SPON1: variants seen among roughly 807,000 people sequenced by gnomAD.
SPON1 encodes the protein spondin-1.
A neutral mutation model predicts 111.7 loss-of-function variants in SPON1; 52 were observed. The ratio of observed to expected loss-of-function variants is 0.47; its 90% CI spans 0.37 to 0.59. SPON1 has a LOEUF of 0.59. SPON1 is among the 20% of genes least tolerant of loss of function. SPON1 has a pLI of 0.00. For missense variants in SPON1, 957 were observed against 1,068.5 expected (o/e 0.90, Z 1.46); for synonymous variants, 410 against 395.8 (o/e 1.04, Z -0.43).
chr11:14,217,465 C>T (rs1848637340), intron 6 of SPON1, among the ~76,000 whole-genome samples: 2 of 152,138 alleles, frequency 1.3e-5, no homozygotes, highest in South Asian at 2.1e-4. Context: ...AAACAAATGG[C>T]CTTTCCACTG....
chr11:14,239,082 G>C (rs1259388195), intron 6 of SPON1, among the ~76,000 whole-genome samples: 1 of 152,160 alleles, frequency 6.6e-6, no homozygotes, highest in Admixed American at 6.5e-5. Flanking sequence ...CAGGGCCCTA[G>C]TGCCCCCATC....
chr11:14,014,601 G>A (rs1483117202), intron 2 of SPON1, among the ~76,000 whole-genome samples: 1 of 152,174 alleles, frequency 6.6e-6, no homozygotes, highest in Non-Finnish European at 1.5e-5. Flanking sequence ...AACTGAGTGG[G>A]GCGTCACTGT....
intron 5 of SPON1, among the ~76,000 whole-genome samples, chr11:14,086,108 T>C (rs1035738071): frequency 5.8e-4 from 88 of 152,202 alleles, no homozygotes; most frequent in African/African-American, 2.1e-3. Context: ...CAATTTGACC[T>C]CCTTTCTTCC....
At chr11:13,974,786 C>T (rs1848089458) in intron 1 of SPON1, among the ~76,000 whole-genome samples, 1 of 152,138 alleles carries the variant, frequency 6.6e-6, no homozygotes, top group South Asian at 2.1e-4. Flanking sequence ...CCTCATCCCC[C>T]CTCCCCAGGG....
In SPON1 at chr11:14,193,374, A is replaced by T. The variant is rs1591406370; in HGVS notation, c.826-49958A>T. On this transcript the variant is annotated intron_variant, in intron 6 of 15. Coordinates refer to ENST00000576479, the MANE Select transcript of SPON1 (RefSeq NM_006108.4). Reference sequence around the variant, plus strand: ...GCCACCCCAATCTTGAAGGTACCCCATGCCGAACCTCATCACTGACAGCTT... The same window carrying T: ...GCCACCCCAATCTTGAAGGTACCCCTTGCCGAACCTCATCACTGACAGCTT... Among the ~76,000 whole-genome samples, 3 of 152,320 alleles carry T rather than the reference A, an allele frequency of 2.0e-5. No homozygotes were observed. The South Asian group carries it at 6.2e-4, about 32-fold the overall frequency.
chr11:14,263,985 C>A (rs1591432342), intron 15 of SPON1, among the ~76,000 whole-genome samples: 1 of 150,174 alleles, frequency 6.7e-6, no homozygotes, highest in Non-Finnish European at 1.5e-5. Context: ...GCCAAGAGCA[C>A]ACCATTGCAC....
chr11:14,243,640 C>A (rs1554939960), intron 7 of SPON1, among the ~76,000 whole-genome samples: 1 of 152,192 alleles, frequency 6.6e-6, no homozygotes, highest in Admixed American at 6.5e-5. Flanking sequence ...GGCTTTAATA[C>A]CAACTCAGAT....
intron 6 of SPON1, among the ~76,000 whole-genome samples, chr11:14,217,899 C>T (rs1848641996): frequency 6.6e-6 from 1 of 152,162 alleles, no homozygotes; most frequent in Non-Finnish European, 1.5e-5. Flanking sequence ...CTGTCTAGGT[C>T]AATGGTTCTC....
intron 2 of SPON1, among the ~76,000 whole-genome samples, chr11:14,025,155 C>T (rs1554915190): frequency 6.6e-6 from 1 of 152,166 alleles, no homozygotes; most frequent in Non-Finnish European, 1.5e-5. Context: ...AGTCTAGGCA[C>T]CGGGAACACA....
In SPON1 at chr11:14,243,410, G is replaced by T; in HGVS notation, c.890+14G>T. 6.4e-7 allele frequency: 1 copy of T among 1,562,644 alleles called. No individual in the cohort carries two copies. The highest frequency in any genetic ancestry group is 8.7e-7 in the Non-Finnish European group (1 of 1,152,918). On this transcript the variant is annotated intron_variant, in intron 7 of 15. Coordinates refer to ENST00000576479, the MANE Select transcript of SPON1 (RefSeq NM_006108.4). ...GCCTCTCAACGTGTAAGTAACACAA[G>T]TCCCTTGCCTGGCCTGTCTTATCCT...
At chr11:13,963,319 C>T (rs1208916798) in intron 1 of SPON1, among the ~76,000 whole-genome samples, 177 bp downstream of exon 1, 1 of 152,164 alleles carries the variant, frequency 6.6e-6, no homozygotes, top group Non-Finnish European at 1.5e-5. Flanking sequence ...CGGCGCGGAT[C>T]ATAATCCAGC....
At chr11:14,174,685 G>T (rs1163883744) in intron 6 of SPON1, among the ~76,000 whole-genome samples, 1 of 151,962 alleles carries the variant, frequency 6.6e-6, no homozygotes, top group African/African-American at 2.4e-5. Context: ...GAAAAAAAAG[G>T]AGAAAAATAA....
rs540907218 is a variant in SPON1, at chr11:14,257,937, G to A, written c.1492+39G>A. The A allele has an allele frequency of 3.6e-5, 54 of 1,483,978 alleles. No individual in the cohort carries two copies. In the South Asian group the frequency reaches 5.0e-4, roughly 14 times the overall value. The allele number at this position is 1,483,978 out of a possible 1,614,324, so 91.9% of individuals were successfully genotyped here. ...CCAGACCAGCCAGGGGCTGGCAGGA[G>A]TTCAGGAAGGGAGGGTCTGCCTAGC... On this transcript the variant is annotated intron_variant, in intron 11 of 15. Transcript: ENST00000576479.
intron 2 of SPON1, among the ~76,000 whole-genome samples, chr11:13,999,787 A>G (rs1487503900): frequency 1.3e-5 from 2 of 152,200 alleles, no homozygotes; most frequent in Non-Finnish European, 2.9e-5. Context: ...TAGAGAGTAT[A>G]TAACCTTTGC....
rs1259636195 is a variant in SPON1 at position 14,160,754 on chromosome 11, A to T, written c.825+25186A>T. ...ATATATATTTAATTTATATATATTT[A>T]TATATATTTATATATTTATATATAT... On this transcript the variant is annotated intron_variant, in intron 6 of 15. Coordinates refer to ENST00000576479, the MANE Select transcript of SPON1 (RefSeq NM_006108.4). Among the ~76,000 whole-genome samples the T allele has an allele frequency of 4.2e-5, 2 of 47,888 alleles. 1 individual carries two copies. Among genetic ancestry groups the T allele is most frequent in the African/African-American group, 1.7e-4 (2 of 11,892 alleles). 31.4% of individuals were successfully genotyped at this position (47,888 alleles called of 152,430 possible).
intron 6 of SPON1, among the ~76,000 whole-genome samples, chr11:14,152,717 A>C (rs10400359): frequency 0.4 from 61,008 of 152,080 alleles, 12,429 homozygotes; most frequent in East Asian, 0.55. Context: ...TTATCTTGAG[A>C]AAAATGAATT....
intron 6 of SPON1, among the ~76,000 whole-genome samples, chr11:14,148,652 A>G (rs1554929600): frequency 1.3e-5 from 2 of 152,176 alleles, no homozygotes; most frequent in East Asian, 1.9e-4. Flanking sequence ...TATACTTCAC[A>G]TGTCCAAATG....
rs542497354 is a variant in SPON1, at chr11:14,125,776, G to A, written c.677-9644G>A. 1.1e-4 allele frequency among the ~76,000 whole-genome samples: 17 copies of A among 152,308 alleles called. No homozygotes were observed. In the South Asian group the frequency reaches 1.9e-3, roughly 17 times the overall value. On this transcript the variant is annotated intron_variant, in intron 5 of 15. Transcript: ENST00000576479. ...AATAGGGTATGTGGCGGGGCAGGGC[G>A]GTGGTGAAGAGATTTATAAGGATGT...
intron 5 of SPON1, among the ~76,000 whole-genome samples, chr11:14,122,214 G>T (rs113811511): frequency 6.6e-6 from 1 of 151,750 alleles, no homozygotes; most frequent in Non-Finnish European, 1.5e-5. Context: ...TTGCTCTGTC[G>T]CCCAGGCTGG....
Sources: gnomAD v4.1 joint callset for allele counts (sites outside exome capture counted in the v4.1 genomes callset) on GRCh38, gnomAD v4.1.1 for gene constraint, MANE v1.5 for transcripts, NCBI Gene and HGNC (gene_info 2026-07-23, HGNC 2026-07-21) for gene names.